Variants in BRD2 observed in about 807,000 individuals in gnomAD.
BRD2 encodes bromodomain containing 2, also known as bromodomain-containing protein 2.
Under a neutral mutation model 79.1 loss-of-function variants are expected in BRD2, and 15 were observed. The ratio of observed to expected loss-of-function variants is 0.19; its 90% CI spans 0.13 to 0.29. The LOEUF is 0.29. Ranked by LOEUF, BRD2 falls within the 10% of genes least tolerant of loss-of-function variation. The pLI is 1.00. For missense variants in BRD2, 1,053 were observed against 991.3 expected, an observed-to-expected ratio of 1.06 and a Z score of -0.84; for synonymous variants, 488 against 358.6, an observed-to-expected ratio of 1.36 and a Z score of -4.08.
intron 10 of BRD2, 91 bp downstream of exon 10, chr6:32,978,479 C>T: frequency 6.5e-7 from 1 of 1,534,170 alleles, no homozygotes; most frequent in East Asian, 2.3e-5. Flanking sequence ...TCTAAATGGC[C>T]AGTTAACAGA....
chr6:32,976,705 C>T lies in BRD2; in HGVS notation c.969C>T (p.Pro323=), dbSNP rs1362552833. The change falls in exon 7 of 13, where the codon CCC becomes CCT. Residue 323 remains proline (P), a synonymous_variant. Coordinates refer to ENST00000374825, the MANE Select transcript of BRD2 (RefSeq NM_005104.4). ...LPPMRRESGR[P]IKPPRKDLPD... The stretch of plus-strand genomic sequence containing the variant: ...CTATGCGTAGAGAGAGTGGTCGCCC[C>T]ATCAAGCCCCCACGCAAAGACTTGC... 28 of 1,612,914 alleles carry T rather than the reference C, an allele frequency of 1.7e-5. No homozygotes were observed. The highest frequency in any genetic ancestry group is 2.1e-5 in the Non-Finnish European group (25 of 1,179,988).
chr6:32,972,640 T>C lies in BRD2; in HGVS notation c.-259T>C, dbSNP rs1778166932. 1 of 596,656 alleles carries C rather than the reference T, an allele frequency of 1.7e-6. No individual in the cohort carries two copies. Among genetic ancestry groups the C allele is most frequent in the South Asian group, 2.0e-5 (1 of 50,536 alleles). The allele number at this position is 596,656 out of a possible 1,614,324, so 37.0% of individuals were successfully genotyped here. A position where few individuals can be genotyped will look rare whatever the true frequency, so the allele number is the denominator to read the frequency against. Reference sequence around the variant, plus strand: ...GTCTTTTGAAGAGTCAGTCCCTCCTTAGTTGCCCGCCTCAGCTGAGGCCGC... The same window carrying C: ...GTCTTTTGAAGAGTCAGTCCCTCCTCAGTTGCCCGCCTCAGCTGAGGCCGC... On this transcript the variant is annotated 5_prime_UTR_variant, in exon 2 of 13. Coordinates refer to ENST00000374825, the MANE Select transcript of BRD2 (RefSeq NM_005104.4).
chr6:32,975,616 C>CT, intron 4 of BRD2, 95 bp downstream of exon 4: 1 of 1,482,068 alleles, frequency 6.7e-7, no homozygotes, highest in East Asian at 2.3e-5. Context: ...AAATCCTTTG[C>CT]TACTGAAGGT....
chr6:32,969,251 C>T (rs1406561243), intron 1 of BRD2, 195 bp downstream of exon 1: 1 of 639,514 alleles, frequency 1.6e-6, no homozygotes. Context: ...GGGGAATGGC[C>T]AGCCTCATGC....
chr6:32,980,262 A>AG, intron 11 of BRD2, 80 bp from the exon 12 acceptor site: 1 of 1,586,246 alleles, frequency 6.3e-7, no homozygotes, highest in Non-Finnish European at 8.5e-7. Flanking sequence ...ACGTTCAAGA[A>AG]GGGAACTTGG....
Position 32,971,400 on chromosome 6 carries a change from AAAT to A in BRD2, c.-1304-191_-1304-189del, listed in dbSNP as rs146639478. Among the ~76,000 whole-genome samples, 20 of 152,242 alleles carry A rather than the reference AAAT, an allele frequency of 1.3e-4. No individual in the cohort carries two copies. The East Asian group carries it at 3.5e-3, about 26-fold the overall frequency. On this transcript the variant is annotated intron_variant, in intron 1 of 12. Coordinates refer to ENST00000374825, the MANE Select transcript of BRD2 (RefSeq NM_005104.4). ...GTGGTCTTTGGGACTAAACAGTAGT[AAAT>A]AATGTTTTGCTCGTCTTTCCATCGT... is the stretch of plus-strand genomic sequence containing the variant.
intron 2 of BRD2, 113 bp from the exon 3 acceptor site, chr6:32,974,349 C>T (rs1383952563): frequency 6.3e-5 from 68 of 1,084,134 alleles, no homozygotes; most frequent in Middle Eastern, 3.1e-4. Flanking sequence ...AAGCACTTGG[C>T]ATAAGCTTAA....
chr6:32,980,748 C>T lies in BRD2; in HGVS notation c.*30C>T. ...TCAGGCCAGATGGGGCAGGAAGGCT[C>T]CGCAGGACCGGACCCCTAGACCACC... On this transcript the variant is annotated 3_prime_UTR_variant, in exon 13 of 13. Transcript: ENST00000374825. 1.2e-6 allele frequency: 2 copies of T among 1,611,030 alleles called. No homozygotes were observed. Among genetic ancestry groups the T allele is most frequent in the Admixed American group, 1.7e-5 (1 of 60,030 alleles).
chr6:32,976,611 C>G lies in BRD2; in HGVS notation c.875C>G (p.Ala292Gly). 1 of 1,610,352 alleles carries G rather than the reference C, an allele frequency of 6.2e-7. No homozygotes were observed. The highest frequency in any genetic ancestry group is 8.5e-7 in the Non-Finnish European group (1 of 1,179,452). ...KADTTTPTPTAILAPGSPASP... is the reference protein window; with the variant it reads ...KADTTTPTPTGILAPGSPASP... ...GATACTACCACCCCTACACCTACAGCCATCTTGGCTCCTGGTTCTCCAGCT... is the reference window on the plus strand; with the variant it reads ...GATACTACCACCCCTACACCTACAGGCATCTTGGCTCCTGGTTCTCCAGCT... Residue 292 changes from alanine (A) to glycine (G), a missense_variant, in exon 7 of 13, where the codon GCC becomes GGC. Ala to Gly is a moderately conservative substitution (Grantham distance 60). Around this residue, in one of 5 missense-constraint regions of BRD2, gnomAD observed 454 missense variants for 430.5 expected, o/e 1.05. Coordinates refer to ENST00000374825, the MANE Select transcript of BRD2 (RefSeq NM_005104.4).
rs1395889046 is a variant in BRD2, at chr6:32,980,417, A to G, written c.2222A>G (p.Gln741Arg). The change falls in exon 12 of 13, where the codon CAA (glutamine) becomes CGA (arginine). Residue 741 changes from glutamine to arginine, a missense_variant. Physicochemically the swap from Gln to Arg is conservative, Grantham distance 43. Transcript: ENST00000374825. ...AAGCGGGAATTAGAAAAGCGGTTAC[A>G]AGATGTCAGCGGACAGCTCAATTCT... ...EKKRELEKRLQDVSGQLNSTK... is the reference protein window; with the variant it reads ...EKKRELEKRLRDVSGQLNSTK... 3 of 1,613,134 alleles carry G rather than the reference A, an allele frequency of 1.9e-6. No individual in the cohort carries two copies. Among genetic ancestry groups the G allele is most frequent in the East Asian group, 4.5e-5 (2 of 44,894 alleles).
At chr6:32,979,534 A>G (rs938403070) in intron 10 of BRD2, 1 of 430,730 alleles carries the variant, frequency 2.3e-6, no homozygotes, top group South Asian at 4.6e-5. Flanking sequence ...GTGTGGAGCA[A>G]GTCTTTCAAC....
In BRD2 at chr6:32,977,157, ATAATT is replaced by A. The variant is rs1778872692; in HGVS notation, c.1200+222_1200+226del. ...CTTTGTCTTGAGAAAAATACTGTCT[ATAATT>A]AAGTACTAATGTGGCAGTGTTGGGT... On this transcript the variant is annotated intron_variant, in intron 7 of 12. Transcript: ENST00000374825. The A allele has an allele frequency of 3.0e-6, 4 of 1,328,562 alleles. No homozygotes were observed. In the Admixed American group the frequency reaches 6.4e-5, roughly 21 times the overall value. 82.3% of individuals were successfully genotyped at this position (1,328,562 alleles called of 1,614,324 possible).
chr6:32,975,320 G>T, intron 3 of BRD2, 64 bp from the exon 4 acceptor site: 1 of 1,335,394 alleles, frequency 7.5e-7, no homozygotes. Flanking sequence ...GAGAGTCGGG[G>T]ATCGGTAGTC....
intron 10 of BRD2, 26 bp from the exon 11 acceptor site, chr6:32,979,802 T>A: frequency 6.3e-7 from 1 of 1,599,746 alleles, no homozygotes; most frequent in Non-Finnish European, 8.5e-7. Flanking sequence ...GAAGCTTCTT[T>A]TGCTGACAAC....
In BRD2 at chr6:32,974,594, G is replaced by T; in HGVS notation, c.162G>T (p.Leu54Phe). The change falls in exon 3 of 13, where the codon TTG (leucine) becomes TTT (phenylalanine). Residue 54 changes from leucine to phenylalanine, a missense_variant. This residue lies in a region of BRD2 where 413 missense variants were observed against 335.1 expected (regional missense o/e 1.23). Coordinates refer to ENST00000374825, the MANE Select transcript of BRD2 (RefSeq NM_005104.4). ...ESPTMASVPA[L>F]QLTPANPPPP... is the part of the protein sequence containing the mutation. ...CCACAATGGCTTCGGTGCCTGCTTT[G>T]CAACTTACCCCTGCCAACCCACCAC... 2 of 1,614,220 alleles carry T rather than the reference G, an allele frequency of 1.2e-6. No individual in the cohort carries two copies. Among genetic ancestry groups the T allele is most frequent in the Middle Eastern group, 1.6e-4 (1 of 6,062 alleles).
rs201326064 is a variant in BRD2, at chr6:32,971,835, C to T, written c.-1064C>T. 114 of 684,204 alleles carry T rather than the reference C, an allele frequency of 1.7e-4. No individual in the cohort carries two copies. Among genetic ancestry groups the T allele is most frequent in the Non-Finnish European group, 2.7e-4 (102 of 376,002 alleles). The allele number at this position is 684,204 out of a possible 1,614,324, so 42.4% of individuals were successfully genotyped here. ...AGGCGGGGAGAGAGTGCTGGAGGCT[C>T]TGGGGCGATGGCTTCCGCACCTCTT... On this transcript the variant is annotated 5_prime_UTR_variant, in exon 2 of 13. Coordinates refer to ENST00000374825, the MANE Select transcript of BRD2 (RefSeq NM_005104.4).
At chr6:32,975,213 T>A in intron 3 of BRD2, 171 bp from the exon 4 acceptor site, 1 of 1,247,804 alleles carries the variant, frequency 8.0e-7, no homozygotes, top group East Asian at 2.6e-5. Flanking sequence ...CTTTTTTATT[T>A]ATTTATTTAT....
At chr6:32,977,599 T>C (rs1561949323) in intron 8 of BRD2, 29 bp downstream of exon 8, 13 of 1,612,518 alleles carry the variant, frequency 8.1e-6, no homozygotes, top group Non-Finnish European at 1.0e-5. Context: ...GTTTGAAAAA[T>C]AAATGGTATG....
Position 32,976,509 on chromosome 6 carries a change from T to G in BRD2, c.825+45T>G, listed in dbSNP as rs1340199295. Reference sequence around the variant, plus strand: ...TCTGGGCAGCAGGGAGGCAAGGGTCTTAAGTAAAGTGGGCTTGGAGTGACA... The same window carrying G: ...TCTGGGCAGCAGGGAGGCAAGGGTCGTAAGTAAAGTGGGCTTGGAGTGACA... On this transcript the variant is annotated intron_variant, in intron 6 of 12. Transcript: ENST00000374825. 5 of 1,598,750 alleles carry G rather than the reference T, an allele frequency of 3.1e-6. No homozygotes were observed. In the South Asian group the frequency reaches 5.5e-5, roughly 18 times the overall value.
Sources: allele counts gnomAD v4.1 joint callset (sites outside exome capture counted in the v4.1 genomes callset), GRCh38; gene constraint gnomAD v4.1.1; regional missense constraint gnomAD v4.1.1; transcripts MANE v1.5; gene names NCBI Gene and HGNC (gene_info 2026-07-23, HGNC 2026-07-21).